The following ZIM2 variants were observed in gnomAD, a reference collection of about 807,000 sequenced individuals.
The protein encoded by ZIM2 is zinc finger imprinted 2, also known as zinc finger protein 656.
ZIM2 carries 14 observed loss-of-function variants against 38.6 expected under a neutral mutation model. The ratio of observed to expected loss-of-function variants is 0.36; its 90% CI spans 0.24 to 0.57. The LOEUF (loss-of-function observed/expected upper bound fraction) is 0.57. Among genes scored for constraint, ZIM2 ranks in the 20% least tolerant of loss-of-function variants. The pLI, the probability that ZIM2 is intolerant of heterozygous loss-of-function variation, is 0.81. For synonymous variants in ZIM2, 247 were observed against 245.8 expected (o/e 1.00, Z -0.04); for missense variants, 680 against 695.1 (o/e 0.98, Z 0.24).
In ZIM2 at chr19:56,814,773, C is replaced by T. The variant is rs559202627; in HGVS notation, c.490+2973G>A. 30 of 1,614,108 alleles carry T rather than the reference C, an allele frequency of 1.9e-5. No individual in the cohort carries two copies. The highest frequency in any genetic ancestry group is 8.0e-5 in the African/African-American group (6 of 75,034). On this transcript the variant is annotated intron_variant, in intron 9 of 12. Coordinates refer to ENST00000629319, the MANE Select transcript of ZIM2 (RefSeq NM_001387356.1). This position sits in a 1 kb window ranked among gnomAD's most constrained non-coding sequence, Gnocchi z 5.8. ...GTCCACACAAAAGGCATCGAATGGC[C>T]GACCCAGCAAGAGCAGGATTCCTCT...
intron 4 of ZIM2, among the ~76,000 whole-genome samples, chr19:56,823,917 C>A (rs1284866654): frequency 7.0e-4 from 107 of 152,146 alleles, no homozygotes; most frequent in Non-Finnish European, 4.4e-5. Flanking sequence ...CACAAACAGC[C>A]AGAAGGCAAC....
intron 9 of ZIM2, among the ~76,000 whole-genome samples, chr19:56,797,510 C>A (rs886368507): frequency 2.6e-5 from 4 of 152,078 alleles, no homozygotes; most frequent in African/African-American, 9.7e-5. Context: ...TTTTCTATTT[C>A]TTTCTGTTTA....
At chr19:56,815,770 T>C (rs1436776771) in intron 9 of ZIM2, 24 of 1,613,806 alleles carry the variant, frequency 1.5e-5, no homozygotes, top group Non-Finnish European at 1.9e-5. Context: ...AGAGTCTTCA[T>C]AGTTGCGATT....
rs773045767 is a variant in ZIM2, at chr19:56,836,093, A to T, written c.-302T>A. 6.1e-6 allele frequency: 3 copies of T among 488,360 alleles called. No individual in the cohort carries two copies. The highest frequency in any genetic ancestry group is 1.2e-5 in the Non-Finnish European group (3 of 244,324). The allele number at this position is 488,360 out of a possible 1,614,324, so 30.3% of individuals were successfully genotyped here. ...TCGTCTCCAAGAAGGACGGAAGATC[A>T]AGAAGGCAAAGCTGTAGAGGAAAAG... is the stretch of plus-strand genomic sequence containing the variant. On this transcript the variant is annotated 5_prime_UTR_variant, in exon 2 of 13. Coordinates refer to ENST00000629319, the MANE Select transcript of ZIM2 (RefSeq NM_001387356.1).
intron 9 of ZIM2, among the ~76,000 whole-genome samples, chr19:56,809,712 A>C (rs544121213): frequency 6.6e-6 from 1 of 152,322 alleles, no homozygotes; most frequent in Admixed American, 6.5e-5. Context: ...ATTCTATAAC[A>C]TAGTATCAAC....
rs571635786 is a variant in ZIM2 at position 56,805,086 on chromosome 19, C to G, written c.490+12660G>C. Among the ~76,000 whole-genome samples, 3 of 152,276 alleles carry G rather than the reference C, an allele frequency of 2.0e-5. No homozygotes were observed. The South Asian group carries it at 6.2e-4, about 32-fold the overall frequency. ...CTTCCTCTGCTCCAGGGTTTTTCAGCCTTGGCTCTACTGACATTTTGGGTC... is the reference window on the plus strand; with the variant it reads ...CTTCCTCTGCTCCAGGGTTTTTCAGGCTTGGCTCTACTGACATTTTGGGTC... On this transcript the variant is annotated intron_variant, in intron 9 of 12. Coordinates refer to ENST00000629319, the MANE Select transcript of ZIM2 (RefSeq NM_001387356.1).
Position 56,821,671 on chromosome 19 carries a change from C to A in ZIM2, c.274G>T (p.Ala92Ser). ...MDREDDRDSR[A>S]YESRSQDAES... Reference sequence around the variant, plus strand: ...CATACCTGAGATCGGGACTCATAAGCCCTGGAGTCCCTGTCGTCCTCTCTG... The same window carrying A: ...CATACCTGAGATCGGGACTCATAAGACCTGGAGTCCCTGTCGTCCTCTCTG... Residue 92 changes from alanine (A) to serine (S), a missense_variant, in exon 7 of 13, where the codon GCT (alanine) becomes TCT (serine). Coordinates refer to ENST00000629319, the MANE Select transcript of ZIM2 (RefSeq NM_001387356.1). 6.2e-7 allele frequency: 1 copy of A among 1,613,962 alleles called. No homozygotes were observed. The highest frequency in any genetic ancestry group is 8.5e-7 in the Non-Finnish European group (1 of 1,180,002).
intron 8 of ZIM2, 61 bp downstream of exon 8, chr19:56,818,539 G>T: frequency 6.3e-7 from 1 of 1,575,078 alleles, no homozygotes; most frequent in Non-Finnish European, 8.7e-7. Flanking sequence ...TTAAAAAGGA[G>T]CAAGATGACA....
At position 56,814,900 on chromosome 19, in the gene ZIM2, T is replaced by G. The variant is rs2059830476; in HGVS notation, c.490+2846A>C. 1 of 1,614,092 alleles carries G rather than the reference T, an allele frequency of 6.2e-7. No individual in the cohort carries two copies. Among genetic ancestry groups the G allele is most frequent in the Non-Finnish European group, 8.5e-7 (1 of 1,180,038 alleles). ...CTGGTCTTGTTCATGGATTCTCTGA[T>G]GCTCGAAAAGGAATGAGCTATGAAT... On this transcript the variant is annotated intron_variant, in intron 9 of 12. Coordinates refer to ENST00000629319, the MANE Select transcript of ZIM2 (RefSeq NM_001387356.1). The surrounding 1 kb of genome is among the most constrained non-coding windows in gnomAD (Gnocchi z 5.8).
At chr19:56,799,010 G>C (rs1428951263) in intron 9 of ZIM2, 1 of 152,112 alleles carries the variant, frequency 6.6e-6, no homozygotes, top group Non-Finnish European at 1.5e-5. Context: ...TTTATACGTT[G>C]GTTGGAGTAT....
At chr19:56,812,692 T>C in intron 9 of ZIM2, 1 of 984,762 alleles carries the variant, frequency 1.0e-6, no homozygotes, top group African/African-American at 1.7e-5. Context: ...GTTCTCAACC[T>C]TCATTAGGCA....
intron 9 of ZIM2, chr19:56,817,223 GA>G (rs2060061080): frequency 6.2e-7 from 1 of 1,613,956 alleles, no homozygotes; most frequent in African/African-American, 1.3e-5. Context: ...CAGCCTTTTT[GA>G]TCGTGAATCG....
At chr19:56,803,916 G>C (rs564117644) in intron 9 of ZIM2, among the ~76,000 whole-genome samples, 1 of 152,162 alleles carries the variant, frequency 6.6e-6, no homozygotes, top group South Asian at 2.1e-4. Flanking sequence ...ATAAACCCTC[G>C]TGGACAATTT....
chr19:56,777,324 A>C (rs934355340), intron 12 of ZIM2, among the ~76,000 whole-genome samples: 21 of 152,382 alleles, frequency 1.4e-4, no homozygotes, highest in African/African-American at 5.0e-4. Flanking sequence ...CCTAGTCCTC[A>C]CTGGCTCTTC....
In ZIM2 at chr19:56,825,693, A is replaced by G. The variant is rs559022064; in HGVS notation, c.-151+695T>C. Among the ~76,000 whole-genome samples the G allele has an allele frequency of 5.9e-5, 9 of 152,324 alleles. No individual in the cohort carries two copies. In the South Asian group the frequency reaches 1.7e-3, roughly 28 times the overall value. On this transcript the variant is annotated intron_variant, in intron 3 of 12. Coordinates refer to ENST00000629319, the MANE Select transcript of ZIM2 (RefSeq NM_001387356.1). ...TGCAACTAAGTAAGGCAATATGGGA[A>G]AGAAATCTAGGTCTGGGAGCATAAA...
At chr19:56,789,750 GT>G in intron 10 of ZIM2, 121 bp downstream of exon 10, 1 of 861,792 alleles carries the variant, frequency 1.2e-6, no homozygotes. Context: ...GCTCAGTAAA[GT>G]GATATTTATA....
At chr19:56,775,678 C>A in intron 12 of ZIM2, 149 bp from the exon 13 acceptor site, 1 of 1,379,146 alleles carries the variant, frequency 7.3e-7, no homozygotes, top group Non-Finnish European at 9.5e-7. Context: ...AGTAAAAATT[C>A]CTCTATTCTT....
At chr19:56,798,775 C>A (rs1238361881) in intron 9 of ZIM2, 2 of 151,820 alleles carry the variant, frequency 1.3e-5, no homozygotes, top group East Asian at 1.9e-4. Flanking sequence ...GAAAAAAAAA[C>A]AACGCCATTA....
chr19:56,798,649 G>T (rs1227359331), intron 9 of ZIM2: 1 of 151,968 alleles, frequency 6.6e-6, no homozygotes, highest in Non-Finnish European at 1.5e-5. Flanking sequence ...GTACAGCAAA[G>T]AAATTATCAT....
Sources: allele counts gnomAD v4.1 joint callset (sites outside exome capture counted in the v4.1 genomes callset), GRCh38; gene constraint gnomAD v4.1.1; non-coding constraint Gnocchi (gnomAD v3.1); transcripts MANE v1.5; gene names NCBI Gene and HGNC (gene_info 2026-07-23, HGNC 2026-07-21).